Variants in NCOA1 observed in about 807,000 individuals in gnomAD.
The protein encoded by NCOA1 is Hin-2 protein.
A neutral mutation model predicts 150.9 loss-of-function variants in NCOA1; 35 were observed. The observed-to-expected ratio is 0.23, with a 90% CI of 0.18 to 0.31. The LOEUF is 0.31. Ranked by LOEUF, NCOA1 falls within the 10% of genes least tolerant of loss-of-function variation. The pLI is 1.00. For synonymous variants in NCOA1, 590 were observed against 630.0 expected, an observed-to-expected ratio of 0.94 and a Z score of 0.95; for missense variants, 1,491 against 1,749.3, an observed-to-expected ratio of 0.85 and a Z score of 2.63.
intron 3 of NCOA1, among the ~76,000 whole-genome samples, chr2:24,591,177 C>T (rs1667642544): frequency 6.6e-6 from 1 of 152,080 alleles, no homozygotes; most frequent in African/African-American, 2.4e-5. Context: ...TCTACTATCC[C>T]ATTTTGTGAA....
intron 7 of NCOA1, among the ~76,000 whole-genome samples, chr2:24,675,094 C>T (rs1671846849): frequency 6.6e-6 from 1 of 152,072 alleles, no homozygotes; most frequent in Admixed American, 6.5e-5. Context: ...ATGTTAGTAT[C>T]CCCTGGGAGT....
chr2:24,716,411 C>T (rs55803310), intron 14 of NCOA1, among the ~76,000 whole-genome samples: 197 of 151,962 alleles, frequency 1.3e-3, no homozygotes, highest in African/African-American at 4.2e-3. Context: ...ATTTATATGG[C>T]GAATTGACAT....
chr2:24,707,541 C>T lies in NCOA1; in HGVS notation c.2071C>T (p.His691Tyr). Residue 691 changes from histidine (H) to tyrosine (Y), a missense_variant, in exon 13 of 23, where the codon CAC becomes TAC. Coordinates refer to ENST00000348332, the MANE Select transcript of NCOA1 (RefSeq NM_003743.5). ...SSLTERHKIL[H>Y]RLLQEGSPSD... The stretch of plus-strand genomic sequence containing the variant: ...ATTGACAGAACGGCATAAAATTCTA[C>T]ACCGGCTCTTACAGGAGGGTAGCCC... 6.2e-7 allele frequency: 1 copy of T among 1,614,214 alleles called. No individual in the cohort carries two copies. Among genetic ancestry groups the T allele is most frequent in the Non-Finnish European group, 8.5e-7 (1 of 1,180,044 alleles).
chr2:24,618,031 G>T (rs56188174), intron 3 of NCOA1, among the ~76,000 whole-genome samples: 30,145 of 152,024 alleles, frequency 0.2, 3,140 homozygotes, highest in Non-Finnish European at 0.23. Flanking sequence ...AAACTATATA[G>T]AGATATTTAT....
At chr2:24,649,637 GT>G (rs1335946622) in intron 4 of NCOA1, among the ~76,000 whole-genome samples, 1 of 152,148 alleles carries the variant, frequency 6.6e-6, no homozygotes, top group Non-Finnish European at 1.5e-5. Context: ...TAAGGCAAAT[GT>G]TTATTCTTCA....
intron 2 of NCOA1, among the ~76,000 whole-genome samples, chr2:24,576,149 GTTTTTTTTTTTTTGTT>G (rs796502174): frequency 1.1e-5 from 1 of 94,002 alleles, no homozygotes; most frequent in African/African-American, 4.5e-5. Flanking sequence ...TTTGGCCTTT[GTTTTTTTTTTTTTGTT>G]TTTTGTTTTT....
intron 1 of NCOA1, among the ~76,000 whole-genome samples, chr2:24,554,865 G>A (rs1304536241): frequency 6.6e-6 from 1 of 152,136 alleles, no homozygotes; most frequent in Non-Finnish European, 1.5e-5. Flanking sequence ...GCCCCAAAAT[G>A]AAAGGACAGG....
chr2:24,705,302 T>C (rs1303371284), intron 12 of NCOA1, 69 bp downstream of exon 12: 4 of 1,497,150 alleles, frequency 2.7e-6, no homozygotes, highest in Non-Finnish European at 3.7e-6. Context: ...AGAAATTTTT[T>C]ATACTCTTGA....
intron 7 of NCOA1, among the ~76,000 whole-genome samples, chr2:24,675,167 C>T (rs1390434591): frequency 6.6e-6 from 1 of 152,122 alleles, no homozygotes; most frequent in Non-Finnish European, 1.5e-5. Flanking sequence ...TTATCTGTGT[C>T]TTTGTCTATA....
intron 1 of NCOA1, among the ~76,000 whole-genome samples, chr2:24,548,008 A>AAAAAAT (rs1553426819): frequency 6.7e-6 from 1 of 150,172 alleles, no homozygotes; most frequent in African/African-American, 2.4e-5. Flanking sequence ...AAAAAAAAAA[A>AAAAAAT]GGATGAGGGA....
intron 10 of NCOA1, among the ~76,000 whole-genome samples, chr2:24,694,827 AT>A (rs942189263): frequency 3.3e-5 from 5 of 151,578 alleles, no homozygotes; most frequent in East Asian, 3.8e-4. Context: ...TTTTTTTAAA[AT>A]TTTTTTTTAA....
intron 2 of NCOA1, among the ~76,000 whole-genome samples, chr2:24,571,371 A>G (rs1384635354): frequency 2.0e-5 from 3 of 152,252 alleles, no homozygotes; most frequent in African/African-American, 4.8e-5. Flanking sequence ...TGAGTGTACT[A>G]TATAGAAAAT....
chr2:24,617,773 A>G (rs1480822772), intron 3 of NCOA1, among the ~76,000 whole-genome samples: 1 of 152,210 alleles, frequency 6.6e-6, no homozygotes, highest in Non-Finnish European at 1.5e-5. Context: ...TAGCCAGAAG[A>G]TGCCTCATCA....
chr2:24,610,767 G>GTT (rs200715486), intron 3 of NCOA1, among the ~76,000 whole-genome samples: 96 of 140,070 alleles, frequency 6.9e-4, no homozygotes, highest in African/African-American at 2.2e-3. Flanking sequence ...ATTTATTGTG[G>GTT]TTTTTTTTTT....
At chr2:24,634,783 C>T (rs910758528) in intron 3 of NCOA1, among the ~76,000 whole-genome samples, 7 of 140,962 alleles carry the variant, frequency 5.0e-5, no homozygotes, top group Non-Finnish European at 1.1e-4. Context: ...ACAATTATAG[C>T]TTGCAGCAGC....
chr2:24,752,927 C>CT (rs1280545871), intron 20 of NCOA1, among the ~76,000 whole-genome samples: 1 of 150,868 alleles, frequency 6.6e-6, no homozygotes, highest in African/African-American at 2.4e-5. Context: ...TCACACATCA[C>CT]TTTGAGTTTT....
At chr2:24,698,655 A>T (rs774196239) in intron 11 of NCOA1, among the ~76,000 whole-genome samples, 1 of 152,200 alleles carries the variant, frequency 6.6e-6, no homozygotes, top group African/African-American at 2.4e-5. Flanking sequence ...TCTTTTTCCA[A>T]TGAAATTTAT....
At chr2:24,514,754 G>A (rs1185722817) in intron 1 of NCOA1, among the ~76,000 whole-genome samples, 5 of 151,990 alleles carry the variant, frequency 3.3e-5, no homozygotes, top group African/African-American at 1.2e-4. Flanking sequence ...CTCCAGCCTG[G>A]GTGACAGGGC....
At chr2:24,663,369 A>G (rs997320337) in intron 5 of NCOA1, among the ~76,000 whole-genome samples, 7 of 152,082 alleles carry the variant, frequency 4.6e-5, no homozygotes, top group South Asian at 2.1e-4. Flanking sequence ...GTCTTGCTGC[A>G]TAGTATTGTA....
Sources: allele counts gnomAD v4.1 joint callset (sites outside exome capture counted in the v4.1 genomes callset), GRCh38; gene constraint gnomAD v4.1.1; transcripts MANE v1.5; gene names NCBI Gene and HGNC (gene_info 2026-07-23, HGNC 2026-07-21).